H4C12: variants seen among roughly 807,000 people sequenced by gnomAD.
H4C12 encodes H4 clustered histone 12.
In H4C12, 3 loss-of-function variants were observed where a neutral mutation model predicts 4.2. That is an observed-to-expected ratio of 0.72 (90% CI 0.33 to 1.86). The LOEUF is 1.86. H4C12 is among the 40% of genes most tolerant of loss of function. H4C12 has a pLI of 0.08. For synonymous variants in H4C12, 71 were observed against 65.0 expected (o/e 1.09, Z -0.44); for missense variants, 81 against 154.6 (o/e 0.52, Z 2.52).
chr6:27,831,297 G>C lies in H4C12; in HGVS notation c.231C>G (p.Ala77=). 1.3e-6 allele frequency: 2 copies of C among 1,579,782 alleles called. No homozygotes were observed. Among genetic ancestry groups the C allele is most frequent in the Non-Finnish European group, 1.7e-6 (2 of 1,164,902 alleles). ...CCATGGCGGTGACCGTCTTGCGCTT[G>C]GCGTGCTCTGTATAGGTCACGGCGT... ...IRDAVTYTEH[A]KRKTVTAMDV... The change falls in exon 1 of 1, where the codon GCC becomes GCG. Residue 77 remains alanine, a synonymous_variant. Transcript: ENST00000611927.
chr6:27,831,338 C>G lies in H4C12; in HGVS notation c.190G>C (p.Glu64Gln). Residue 64 changes from glutamate to glutamine, a missense_variant, in exon 1 of 1, where the codon GAG (glutamate) becomes CAG (glutamine). Around this residue, in one of 2 missense-constraint regions of H4C12, gnomAD observed 56 missense variants for 78.3 expected, o/e 0.72. Coordinates refer to ENST00000611927, the MANE Select transcript of H4C12 (RefSeq NM_003541.3). Reference sequence around the variant, plus strand: ...GTCACGGCGTCCCGGATCACGTTCTCCAGGAACACCTTCAGCACCCCGCGA... The same window carrying G: ...GTCACGGCGTCCCGGATCACGTTCTGCAGGAACACCTTCAGCACCCCGCGA... Reference protein sequence around the residue: ...ETRGVLKVFLENVIRDAVTYT... With the variant: ...ETRGVLKVFLQNVIRDAVTYT... The G allele has an allele frequency of 2.5e-6, 4 of 1,599,224 alleles. No homozygotes were observed. Among genetic ancestry groups the G allele is most frequent in the Non-Finnish European group, 3.4e-6 (4 of 1,170,170 alleles).
At position 27,831,205 on chromosome 6, in the gene H4C12, G is replaced by T. The variant is rs375764291; in HGVS notation, c.*11C>A. ...CCCTAAAAAGGGCCTTTTGTTGATAGAAAGGGACGCTCAACCACCGAAACC... is the reference window on the plus strand; with the variant it reads ...CCCTAAAAAGGGCCTTTTGTTGATATAAAGGGACGCTCAACCACCGAAACC... On this transcript the variant is annotated 3_prime_UTR_variant, in exon 1 of 1. Coordinates refer to ENST00000611927, the MANE Select transcript of H4C12 (RefSeq NM_003541.3). 2.5e-6 allele frequency: 4 copies of T among 1,604,532 alleles called. No individual in the cohort carries two copies. The African/African-American group carries it at 4.0e-5, about 16-fold the overall frequency.
chr6:27,831,184 A>G lies in H4C12; in HGVS notation c.*32T>C, dbSNP rs1479333101. Reference sequence around the variant, plus strand: ...CCTCAGCTGAGAAAGTGGGGGCCCTAAAAAGGGCCTTTTGTTGATAGAAAG... The same window carrying G: ...CCTCAGCTGAGAAAGTGGGGGCCCTGAAAAGGGCCTTTTGTTGATAGAAAG... On this transcript the variant is annotated 3_prime_UTR_variant, in exon 1 of 1. Coordinates refer to ENST00000611927, the MANE Select transcript of H4C12 (RefSeq NM_003541.3). The G allele has an allele frequency of 1.4e-5, 22 of 1,593,266 alleles. No homozygotes were observed. The East Asian group carries it at 4.3e-4, about 31-fold the overall frequency.
At position 27,831,188 on chromosome 6, in the gene H4C12, A is replaced by G. The variant is rs769283221; in HGVS notation, c.*28T>C. Reference sequence around the variant, plus strand: ...AGCTGAGAAAGTGGGGGCCCTAAAAAGGGCCTTTTGTTGATAGAAAGGGAC... The same window carrying G: ...AGCTGAGAAAGTGGGGGCCCTAAAAGGGGCCTTTTGTTGATAGAAAGGGAC... On this transcript the variant is annotated 3_prime_UTR_variant, in exon 1 of 1. Transcript: ENST00000611927. The G allele has an allele frequency of 1.4e-5, 23 of 1,596,840 alleles. No individual in the cohort carries two copies. In the Admixed American group the frequency reaches 3.4e-4, roughly 23 times the overall value.
At position 27,831,214 on chromosome 6, in the gene H4C12, G is replaced by C; in HGVS notation, c.*2C>G. ...GGGCCTTTTGTTGATAGAAAGGGAC[G>C]CTCAACCACCGAAACCGTAGAGGGT... On this transcript the variant is annotated 3_prime_UTR_variant, in exon 1 of 1. Coordinates refer to ENST00000611927, the MANE Select transcript of H4C12 (RefSeq NM_003541.3). 2 of 1,604,074 alleles carry C rather than the reference G, an allele frequency of 1.2e-6. No individual in the cohort carries two copies. Among genetic ancestry groups the C allele is most frequent in the Non-Finnish European group, 1.7e-6 (2 of 1,175,776 alleles).
Position 27,831,312 on chromosome 6 carries a change from G to A in H4C12, c.216C>T (p.Thr72=), listed in dbSNP as rs758992622. The change falls in exon 1 of 1, where the codon ACC becomes ACT. Residue 72 remains threonine, a synonymous_variant. Transcript: ENST00000611927. ...TCTTGCGCTTGGCGTGCTCTGTATAGGTCACGGCGTCCCGGATCACGTTCT... is the reference window on the plus strand; with the variant it reads ...TCTTGCGCTTGGCGTGCTCTGTATAAGTCACGGCGTCCCGGATCACGTTCT... ...FLENVIRDAV[T]YTEHAKRKTV... 4.4e-6 allele frequency: 7 copies of A among 1,593,722 alleles called. No individual in the cohort carries two copies. Among genetic ancestry groups the A allele is most frequent in the East Asian group, 2.2e-5 (1 of 44,638 alleles).
Position 27,831,285 on chromosome 6 carries a change from C to A in H4C12, c.243G>T (p.Thr81=), listed in dbSNP as rs143827233. 40 of 1,562,654 alleles carry A rather than the reference C, an allele frequency of 2.6e-5. No homozygotes were observed. Among genetic ancestry groups the A allele is most frequent in the African/African-American group, 4.1e-5 (3 of 73,176 alleles). Residue 81 remains threonine (T), a synonymous_variant, in exon 1 of 1, where the codon ACG becomes ACT. Transcript: ENST00000611927. ...CGTAGACCACATCCATGGCGGTGAC[C>A]GTCTTGCGCTTGGCGTGCTCTGTAT... ...VTYTEHAKRK[T]VTAMDVVYAL...
Position 27,831,276 on chromosome 6 carries a change from G to A in H4C12, c.252C>T (p.Ala84=), listed in dbSNP as rs1581469205. 2 of 1,551,474 alleles carry A rather than the reference G, an allele frequency of 1.3e-6. No homozygotes were observed. The highest frequency in any genetic ancestry group is 4.5e-5 in the East Asian group (2 of 44,698). ...TEHAKRKTVT[A]MDVVYALKRQ... is the part of the protein sequence containing the mutation. ...GCTTGAGCGCGTAGACCACATCCAT[G>A]GCGGTGACCGTCTTGCGCTTGGCGT... is the stretch of plus-strand genomic sequence containing the variant. The change falls in exon 1 of 1, where the codon GCC becomes GCT. Residue 84 remains alanine, a synonymous_variant. Coordinates refer to ENST00000611927, the MANE Select transcript of H4C12 (RefSeq NM_003541.3).
chr6:27,831,347 C>T lies in H4C12; in HGVS notation c.181G>A (p.Val61Met). ...IYEETRGVLK[V>M]FLENVIRDAV... ...TCCCGGATCACGTTCTCCAGGAACA[C>T]CTTCAGCACCCCGCGAGTCTCCTCG... Residue 61 changes from valine (V) to methionine (M), a missense_variant, in exon 1 of 1, where the codon GTG becomes ATG. Val to Met is a conservative substitution (Grantham distance 21). Transcript: ENST00000611927. The T allele has an allele frequency of 1.3e-6, 2 of 1,599,116 alleles. No homozygotes were observed. The highest frequency in any genetic ancestry group is 2.2e-5 in the South Asian group (2 of 90,434).
rs748869706 is a variant in H4C12, at chr6:27,831,288, C to T, written c.240G>A (p.Lys80=). 4.5e-6 allele frequency: 7 copies of T among 1,567,778 alleles called. No individual in the cohort carries two copies. The South Asian group carries it at 6.1e-5, about 14-fold the overall frequency. The change falls in exon 1 of 1, where the codon AAG becomes AAA. Residue 80 remains lysine (K), a synonymous_variant. Transcript: ENST00000611927. ...AGACCACATCCATGGCGGTGACCGT[C>T]TTGCGCTTGGCGTGCTCTGTATAGG... The part of the protein sequence containing the change: ...AVTYTEHAKR[K]TVTAMDVVYA...
At position 27,831,189 on chromosome 6, in the gene H4C12, G is replaced by T. The variant is rs779460789; in HGVS notation, c.*27C>A. On this transcript the variant is annotated 3_prime_UTR_variant, in exon 1 of 1. Transcript: ENST00000611927. ...GCTGAGAAAGTGGGGGCCCTAAAAA[G>T]GGCCTTTTGTTGATAGAAAGGGACG... 6.3e-7 allele frequency: 1 copy of T among 1,598,764 alleles called. No homozygotes were observed. Among genetic ancestry groups the T allele is most frequent in the South Asian group, 1.1e-5 (1 of 89,930 alleles).
chr6:27,831,471 G>A lies in H4C12; in HGVS notation c.57C>T (p.His19=), dbSNP rs144208693. 6,518 of 1,521,000 alleles carry A rather than the reference G, an allele frequency of 4.3e-3. 20 individuals carry two copies. The highest frequency in any genetic ancestry group is 5.2e-3 in the Non-Finnish European group (5,941 of 1,136,026). 94.2% of individuals were successfully genotyped at this position (1,521,000 alleles called of 1,614,324 possible). Residue 19 remains histidine, a synonymous_variant, in exon 1 of 1, where the codon CAC becomes CAT. Transcript: ENST00000611927. ...KGLGKGGAKR[H]RKVLRDNIQG... The stretch of plus-strand genomic sequence containing the variant: ...GGATATTGTCGCGCAGTACTTTACG[G>A]TGGCGCTTAGCGCCGCCTTTGCCAA...
Position 27,831,252 on chromosome 6 carries a change from C to T in H4C12, c.276G>A (p.Lys92=), listed in dbSNP as rs1760950699. 2.5e-6 allele frequency: 4 copies of T among 1,576,452 alleles called. No individual in the cohort carries two copies. Among genetic ancestry groups the T allele is most frequent in the Non-Finnish European group, 3.4e-6 (4 of 1,164,658 alleles). The stretch of plus-strand genomic sequence containing the variant: ...AACCGTAGAGGGTGCGGCCCTGGCG[C>T]TTGAGCGCGTAGACCACATCCATGG... ...VTAMDVVYAL[K]RQGRTLYGFG... The change falls in exon 1 of 1, where the codon AAG becomes AAA. Residue 92 remains lysine (K), a synonymous_variant. Transcript: ENST00000611927.
At position 27,831,421 on chromosome 6, in the gene H4C12, C is replaced by G. The variant is rs763175988; in HGVS notation, c.107G>C (p.Arg36Pro). 6.3e-7 allele frequency: 1 copy of G among 1,583,914 alleles called. No homozygotes were observed. The highest frequency in any genetic ancestry group is 8.6e-7 in the Non-Finnish European group (1 of 1,162,848). Reference sequence around the variant, plus strand: ...CACGCCGCCGCGGCGAGCAAGGCGCCGGATGGCCGGCTTGGTGATGCCCTG... The same window carrying G: ...CACGCCGCCGCGGCGAGCAAGGCGCGGGATGGCCGGCTTGGTGATGCCCTG... ...NIQGITKPAI[R>P]RLARRGGVKR... The change falls in exon 1 of 1, where the codon CGG (arginine) becomes CCG (proline). Residue 36 changes from arginine (R) to proline (P), a missense_variant. Arg to Pro is a moderately radical substitution (Grantham distance 103). Coordinates refer to ENST00000611927, the MANE Select transcript of H4C12 (RefSeq NM_003541.3).
In H4C12 at chr6:27,831,364, G is replaced by A. The variant is rs1458373019; in HGVS notation, c.164C>T (p.Thr55Ile). 2 of 1,599,190 alleles carry A rather than the reference G, an allele frequency of 1.3e-6. No individual in the cohort carries two copies. Among genetic ancestry groups the A allele is most frequent in the East Asian group, 2.2e-5 (1 of 44,634 alleles). ...CAGGAACACCTTCAGCACCCCGCGA[G>A]TCTCCTCGTAGATGAGGCCGGAGAT... ...KRISGLIYEE[T>I]RGVLKVFLEN... Residue 55 changes from threonine to isoleucine, a missense_variant, in exon 1 of 1, where the codon ACT becomes ATT. Coordinates refer to ENST00000611927, the MANE Select transcript of H4C12 (RefSeq NM_003541.3).
Position 27,831,449 on chromosome 6 carries a change from T to C in H4C12, c.79A>G (p.Ile27Val), listed in dbSNP as rs1363989424. ...ATGGCCGGCTTGGTGATGCCCTGGA[T>C]ATTGTCGCGCAGTACTTTACGGTGG... ...KRHRKVLRDN[I>V]QGITKPAIRR... The change falls in exon 1 of 1, where the codon ATC becomes GTC. Residue 27 changes from isoleucine to valine, a missense_variant. Physicochemically the swap from Ile to Val is conservative, Grantham distance 29 (BLOSUM62 3). This residue lies in a region of H4C12 where 25 missense variants were observed against 76.3 expected (regional missense o/e 0.33). Coordinates refer to ENST00000611927, the MANE Select transcript of H4C12 (RefSeq NM_003541.3). The C allele has an allele frequency of 1.9e-6, 3 of 1,548,432 alleles. No homozygotes were observed. Among genetic ancestry groups the C allele is most frequent in the Non-Finnish European group, 2.6e-6 (3 of 1,149,318 alleles).
chr6:27,831,329 T>C lies in H4C12; in HGVS notation c.199A>G (p.Ile67Val), dbSNP rs1760953093. The change falls in exon 1 of 1, where the codon ATC (isoleucine) becomes GTC (valine). Residue 67 changes from isoleucine (I) to valine (V), a missense_variant. Transcript: ENST00000611927. ...GVLKVFLENV[I>V]RDAVTYTEHA... is the part of the protein sequence containing the mutation. ...TCTGTATAGGTCACGGCGTCCCGGA[T>C]CACGTTCTCCAGGAACACCTTCAGC... 6.3e-7 allele frequency: 1 copy of C among 1,598,268 alleles called. No homozygotes were observed. The highest frequency in any genetic ancestry group is 2.2e-5 in the East Asian group (1 of 44,598).
In H4C12 at chr6:27,831,257, G is replaced by A; in HGVS notation, c.271C>T (p.Leu91Phe). ...TAGAGGGTGCGGCCCTGGCGCTTGA[G>A]CGCGTAGACCACATCCATGGCGGTG... ...TVTAMDVVYALKRQGRTLYGF... is the reference protein window; with the variant it reads ...TVTAMDVVYAFKRQGRTLYGF... Residue 91 changes from leucine (L) to phenylalanine (F), a missense_variant, in exon 1 of 1, where the codon CTC becomes TTC. Coordinates refer to ENST00000611927, the MANE Select transcript of H4C12 (RefSeq NM_003541.3). 1 of 1,555,098 alleles carries A rather than the reference G, an allele frequency of 6.4e-7. No homozygotes were observed.
rs1304445903 is a variant in H4C12, at chr6:27,831,229, C to T, written c.299G>A (p.Gly100Asp). The T allele has an allele frequency of 2.5e-6, 4 of 1,599,360 alleles. No individual in the cohort carries two copies. Among genetic ancestry groups the T allele is most frequent in the Non-Finnish European group, 2.6e-6 (3 of 1,174,426 alleles). ...AGAAAGGGACGCTCAACCACCGAAA[C>T]CGTAGAGGGTGCGGCCCTGGCGCTT... ...ALKRQGRTLY[G>D]FGG is the part of the protein sequence containing the mutation. The change falls in exon 1 of 1, where the codon GGT becomes GAT. Residue 100 changes from glycine (G) to aspartate (D), a missense_variant. Physicochemically the swap from Gly to Asp is moderately conservative, Grantham distance 94. Transcript: ENST00000611927.
Sources: gnomAD v4.1 joint callset for allele counts on GRCh38, gnomAD v4.1.1 for gene constraint, gnomAD v4.1.1 regional missense constraint, MANE v1.5 for transcripts, NCBI Gene and HGNC (gene_info 2026-07-23, HGNC 2026-07-21) for gene names.